Variants in TMEM132C observed in about 807,000 individuals in gnomAD.
The protein encoded by TMEM132C is transmembrane protein 132C.
In TMEM132C, 29 loss-of-function variants were observed where a neutral mutation model predicts 61.4. The observed-to-expected ratio is 0.47, with a 90% confidence interval of 0.35 to 0.64. The LOEUF (loss-of-function observed/expected upper bound fraction) is 0.64, where lower values mean the gene tolerates loss of function less well. Among genes scored for constraint, TMEM132C ranks in the 30% least tolerant of loss-of-function variants. The probability of loss-of-function intolerance (pLI) is 0.00; values close to 1 mark genes in which losing one functional copy is unlikely to be tolerated. For missense variants in TMEM132C, 1,408 were observed against 1,476.9 expected (o/e 0.95, Z 0.76); for synonymous variants, 656 against 633.1 (o/e 1.04, Z -0.54).
chr12:128,521,558 C>A (rs751563712), intron 2 of TMEM132C, among the ~76,000 whole-genome samples: 2 of 149,670 alleles, frequency 1.3e-5, no homozygotes, highest in African/African-American at 4.9e-5. Context: ...AACTAATATG[C>A]ACATATATTC....
At chr12:128,516,126 C>A (rs1052978145) in intron 2 of TMEM132C, among the ~76,000 whole-genome samples, 6 of 152,082 alleles carry the variant, frequency 3.9e-5, no homozygotes, top group African/African-American at 1.4e-4. Flanking sequence ...GCACTGAGAC[C>A]CTTCCTCCTC....
At chr12:128,505,380 G>A (rs1289351788) in intron 2 of TMEM132C, among the ~76,000 whole-genome samples, 1 of 152,142 alleles carries the variant, frequency 6.6e-6, no homozygotes, top group Non-Finnish European at 1.5e-5. Flanking sequence ...TAGTGTCAGT[G>A]TGAGTTACTT....
At chr12:128,268,878 G>A (rs1395217520) in intron 1 of TMEM132C, among the ~76,000 whole-genome samples, 4 of 130,654 alleles carry the variant, frequency 3.1e-5, no homozygotes, top group African/African-American at 1.2e-4. Flanking sequence ...AGGAGGGTGG[G>A]GTGAGAGAGG....
chr12:128,430,188 T>A (rs1020461378), intron 2 of TMEM132C, among the ~76,000 whole-genome samples: 4 of 152,168 alleles, frequency 2.6e-5, no homozygotes, highest in South Asian at 4.1e-4. Context: ...TTGATGTAAT[T>A]GATTTTTCAC....
chr12:128,474,834 A>G (rs2136084973), intron 2 of TMEM132C, among the ~76,000 whole-genome samples: 1 of 152,320 alleles, frequency 6.6e-6, no homozygotes. Context: ...AGTATGTCTC[A>G]GAAACAACCT....
chr12:128,340,447 C>T (rs1872920659), intron 1 of TMEM132C, among the ~76,000 whole-genome samples: 1 of 151,964 alleles, frequency 6.6e-6, no homozygotes, highest in Non-Finnish European at 1.5e-5. Flanking sequence ...AAATAAAGAG[C>T]TGTTACAAAT....
chr12:128,491,803 C>T (rs987782849), intron 2 of TMEM132C, among the ~76,000 whole-genome samples: 2 of 151,882 alleles, frequency 1.3e-5, no homozygotes, highest in Admixed American at 1.3e-4. Context: ...GCTTACCCCA[C>T]TGTCCTCTTA....
intron 3 of TMEM132C, among the ~76,000 whole-genome samples, chr12:128,557,669 C>T (rs1298530168): frequency 6.6e-6 from 1 of 152,198 alleles, no homozygotes; most frequent in African/African-American, 2.4e-5. Flanking sequence ...ACAGTCTTCT[C>T]AGCCACCACT....
chr12:128,622,686 G>A (rs143010745), intron 4 of TMEM132C, among the ~76,000 whole-genome samples: 14 of 152,140 alleles, frequency 9.2e-5, no homozygotes, highest in African/African-American at 2.2e-4. Context: ...GTGGGGAAGC[G>A]CGTTAGCAAT....
Position 128,604,856 on chromosome 12 carries a change from G to T in TMEM132C, c.1122-11296G>T, listed in dbSNP as rs1454386209. Among the ~76,000 whole-genome samples, 3 of 151,272 alleles carry T rather than the reference G, an allele frequency of 2.0e-5. 1 individual carries two copies. Among genetic ancestry groups the T allele is most frequent in the Admixed American group, 6.6e-5 (1 of 15,206 alleles). On this transcript the variant is annotated intron_variant, in intron 3 of 8. Coordinates refer to ENST00000435159, the MANE Select transcript of TMEM132C (RefSeq NM_001136103.3). ...AGATGGATAGATAGACAGACAGATG[G>T]CTAGATAAATGATGGATAGATGGAT... is the stretch of plus-strand genomic sequence containing the variant.
intron 4 of TMEM132C, among the ~76,000 whole-genome samples, chr12:128,660,047 C>T (rs1006848818): frequency 1.3e-5 from 2 of 152,230 alleles, no homozygotes; most frequent in African/African-American, 4.8e-5. Flanking sequence ...AGGGTGAGAA[C>T]AGAGTCTCCC....
intron 1 of TMEM132C, among the ~76,000 whole-genome samples, chr12:128,285,637 TTCTCTCTCTC>T (rs140507851): frequency 0.015 from 2,035 of 132,092 alleles, 29 homozygotes; most frequent in Middle Eastern, 0.027. Flanking sequence ...GACATATTCA[TTCTCTCTCTC>T]TCTCTCTCTC....
intron 4 of TMEM132C, among the ~76,000 whole-genome samples, chr12:128,666,589 G>A (rs1287998631): frequency 1.3e-5 from 2 of 152,170 alleles, no homozygotes; most frequent in Non-Finnish European, 2.9e-5. Context: ...TATGATATGT[G>A]ATCAGGATTG....
At chr12:128,665,218 CATACCT>C (rs1244398197) in intron 4 of TMEM132C, among the ~76,000 whole-genome samples, 1 of 150,654 alleles carries the variant, frequency 6.6e-6, no homozygotes, top group African/African-American at 2.4e-5. Context: ...AACAGACACT[CATACCT>C]ATACACACAG....
At chr12:128,347,397 GTC>G (rs55729184) in intron 1 of TMEM132C, among the ~76,000 whole-genome samples, 13,550 of 135,246 alleles carry the variant, frequency 0.1, 674 homozygotes, top group Middle Eastern at 0.15. Context: ...GCATATGTAT[GTC>G]TCTCTCTCTC....
chr12:128,428,374 T>A (rs776295672), intron 2 of TMEM132C, among the ~76,000 whole-genome samples: 19 of 152,190 alleles, frequency 1.2e-4, no homozygotes. Flanking sequence ...GCTGGTTCTC[T>A]ACATGGTCAC....
intron 2 of TMEM132C, among the ~76,000 whole-genome samples, chr12:128,425,317 A>G (rs1869143859): frequency 6.6e-6 from 1 of 152,232 alleles, no homozygotes; most frequent in Non-Finnish European, 1.5e-5. Context: ...GCCGTAGTGA[A>G]TGGCACTCAC....
At chr12:128,683,977 AATAAATAAAT>A (rs1954655151) in intron 5 of TMEM132C, among the ~76,000 whole-genome samples, 2 of 28,916 alleles carry the variant, frequency 6.9e-5, no homozygotes, top group Admixed American at 3.4e-4. Context: ...AAATTAAATA[AATAAATAAAT>A]AAATAAATAA....
intron 1 of TMEM132C, among the ~76,000 whole-genome samples, chr12:128,282,615 A>G (rs1870933790): frequency 6.6e-6 from 1 of 152,254 alleles, no homozygotes; most frequent in South Asian, 2.1e-4. Flanking sequence ...GTTCCAGATG[A>G]GATTTGGGTG....
Sources: allele counts gnomAD v4.1 joint callset (sites outside exome capture counted in the v4.1 genomes callset), GRCh38; gene constraint gnomAD v4.1.1; transcripts MANE v1.5; gene names NCBI Gene and HGNC (gene_info 2026-07-23, HGNC 2026-07-21).